SCAI: variants seen among roughly 807,000 people sequenced by gnomAD.
SCAI encodes suppressor of cancer cell invasion.
SCAI carries 24 observed loss-of-function variants against 92.2 expected under a neutral mutation model. The ratio of observed to expected loss-of-function variants is 0.26; its 90% CI spans 0.19 to 0.37. SCAI has a LOEUF of 0.37. Among genes scored for constraint, SCAI ranks in the 10% least tolerant of loss-of-function variants. The pLI, the probability that SCAI is intolerant of heterozygous loss-of-function variation, is 1.00. For missense variants in SCAI, 450 were observed against 736.2 expected (o/e 0.61, Z 4.50); for synonymous variants, 261 against 258.6 (o/e 1.01, Z -0.09).
At chr9:125,077,528 A>G (rs941929553) in intron 2 of SCAI, among the ~76,000 whole-genome samples, 2 of 152,116 alleles carry the variant, frequency 1.3e-5, no homozygotes, top group Non-Finnish European at 2.9e-5. Flanking sequence ...CTACCAGACT[A>G]TTTTCCAAAG....
chr9:124,958,077 C>A (rs903660325), intron 17 of SCAI, among the ~76,000 whole-genome samples: 7 of 152,068 alleles, frequency 4.6e-5, no homozygotes, highest in Non-Finnish European at 1.0e-4. Flanking sequence ...ACTATAAAAT[C>A]CTGGTGAAAG....
At chr9:125,027,337 T>G (rs72765246) in intron 5 of SCAI, among the ~76,000 whole-genome samples, 20,059 of 152,166 alleles carry the variant, frequency 0.13, 1,747 homozygotes, top group Non-Finnish European at 0.19. Context: ...TAATGAATTA[T>G]GTTTTACAAG....
chr9:125,087,938 A>C (rs1239903417), intron 2 of SCAI, among the ~76,000 whole-genome samples: 1 of 152,244 alleles, frequency 6.6e-6, no homozygotes, highest in African/African-American at 2.4e-5. Flanking sequence ...TTATAGATAT[A>C]ATATACGTAA....
At chr9:124,963,797 A>T (rs887792624) in intron 17 of SCAI, among the ~76,000 whole-genome samples, 1 of 149,906 alleles carries the variant, frequency 6.7e-6, no homozygotes, top group Non-Finnish European at 1.5e-5. Context: ...AAAGAAAATC[A>T]TAAGGAAGAG....
At chr9:124,955,269 G>A (rs553211366) in intron 17 of SCAI, among the ~76,000 whole-genome samples, 62 of 151,396 alleles carry the variant, frequency 4.1e-4, no homozygotes, top group African/African-American at 1.4e-3. Flanking sequence ...AAAAAGGAAA[G>A]AATAATAAAG....
intron 2 of SCAI, among the ~76,000 whole-genome samples, chr9:125,072,514 ATTT>A (rs1038430609): frequency 4.6e-5 from 7 of 152,096 alleles, no homozygotes; most frequent in Non-Finnish European, 8.8e-5. Flanking sequence ...CCTATGACTT[ATTT>A]TTTTACTTTT....
intron 9 of SCAI, chr9:125,003,789 T>A: frequency 2.0e-6 from 1 of 497,202 alleles, no homozygotes; most frequent in Non-Finnish European, 3.6e-6. Context: ...ATAATAAGCA[T>A]TTTTTATATT....
intron 2 of SCAI, among the ~76,000 whole-genome samples, chr9:125,103,335 C>T (rs889919002): frequency 6.6e-6 from 1 of 152,148 alleles, no homozygotes; most frequent in African/African-American, 2.4e-5. Context: ...CTCTAAATGA[C>T]TTCCAGGACT....
rs1265668385 is a variant in SCAI at position 124,949,072 on chromosome 9, GT to G, written c.*3734del. On this transcript the variant is annotated 3_prime_UTR_variant, in exon 18 of 18. Transcript: ENST00000336505. This position sits in a 1 kb window ranked among gnomAD's most constrained non-coding sequence, Gnocchi z 4.0. ...ACAAGGAGGATTTATTAAACTGTAT[GT>G]TTAGGCTGGGCGTGGTGGCTCATGC... The G allele has an allele frequency of 6.6e-6, 1 of 152,264 alleles. No homozygotes were observed. Among genetic ancestry groups the G allele is most frequent in the Non-Finnish European group, 1.5e-5 (1 of 68,084 alleles). The allele number at this position is 152,264 out of a possible 1,614,324, so 9.4% of individuals were successfully genotyped here.
chr9:124,971,832 C>T lies in SCAI; in HGVS notation c.1412G>A (p.Arg471Gln), dbSNP rs369515394. 274 of 1,592,092 alleles carry T rather than the reference C, an allele frequency of 1.7e-4. No individual in the cohort carries two copies. Among genetic ancestry groups the T allele is most frequent in the South Asian group, 2.6e-4 (23 of 86,808 alleles). The change falls in exon 16 of 18, where the codon CGA (arginine) becomes CAA (glutamine). Residue 471 changes from arginine (R) to glutamine (Q), a missense_variant. This residue lies in a region of SCAI where 360 missense variants were observed against 601.8 expected (regional missense o/e 0.60). Transcript: ENST00000336505. ...YPKALQDQSQ[R>Q]GSLFTLFLNN... ...CAAAAAGAGAGTGAAGAGGCTACCT[C>T]GCTGAGATTGATCTGTAATAACAAA...
chr9:125,095,470 C>CT (rs1255807863), intron 2 of SCAI, among the ~76,000 whole-genome samples: 12 of 152,308 alleles, frequency 7.9e-5, no homozygotes, highest in African/African-American at 2.2e-4. Context: ...AGAAAATGAA[C>CT]ATCCCTATAA....
At chr9:125,126,450 G>A (rs907646428) in intron 2 of SCAI, among the ~76,000 whole-genome samples, 3 of 148,848 alleles carry the variant, frequency 2.0e-5, no homozygotes, top group African/African-American at 7.5e-5. Flanking sequence ...CACATGCAAG[G>A]CAGAAGTCAG....
At chr9:125,071,899 T>C (rs1158735863) in intron 2 of SCAI, among the ~76,000 whole-genome samples, 1 of 152,222 alleles carries the variant, frequency 6.6e-6, no homozygotes, top group Non-Finnish European at 1.5e-5. Flanking sequence ...CTGATTAGCA[T>C]GACGTGTTCA....
intron 2 of SCAI, among the ~76,000 whole-genome samples, chr9:125,100,989 C>T (rs554730885): frequency 6.6e-6 from 1 of 152,174 alleles, no homozygotes; most frequent in South Asian, 2.1e-4. Flanking sequence ...ATTCAGGAGG[C>T]TGAAAAGGGA....
At chr9:125,071,318 G>T (rs112170725) in intron 2 of SCAI, among the ~76,000 whole-genome samples, 4 of 152,318 alleles carry the variant, frequency 2.6e-5, no homozygotes, top group African/African-American at 9.6e-5. Context: ...AGGATCACTT[G>T]AGCCCAGGAG....
chr9:125,078,502 TG>T lies in SCAI; in HGVS notation c.99-22496del, dbSNP rs1400144280. On this transcript the variant is annotated intron_variant, in intron 2 of 17. Transcript: ENST00000336505. ...GAGATCACGCCACTGCACTCCAGCT[TG>T]GGCGATAAGAGTGAAACTCTATCTC... Among the ~76,000 whole-genome samples the T allele has an allele frequency of 2.6e-5, 4 of 152,248 alleles. No individual in the cohort carries two copies. In the East Asian group the frequency reaches 5.8e-4, roughly 22 times the overall value.
intron 2 of SCAI, among the ~76,000 whole-genome samples, chr9:125,141,058 C>A (rs550476996): frequency 6.6e-6 from 1 of 152,158 alleles, no homozygotes; most frequent in South Asian, 2.1e-4. Context: ...CATAAAATGA[C>A]GGATGAAAAA....
chr9:125,094,137 A>G (rs1478257204), intron 2 of SCAI, among the ~76,000 whole-genome samples: 2 of 152,202 alleles, frequency 1.3e-5, no homozygotes, highest in South Asian at 2.1e-4. Context: ...GTCAAATTCT[A>G]TCACTTAGCT....
chr9:125,016,177 TAATAAAATAAAATAA>T lies in SCAI; in HGVS notation c.861+2607_861+2621del, dbSNP rs71374218. Among the ~76,000 whole-genome samples, 5 of 79,218 alleles carry T rather than the reference TAATAAAATAAAATAA, an allele frequency of 6.3e-5. No homozygotes were observed. The South Asian group carries it at 1.3e-3, about 20-fold the overall frequency. 52.0% of individuals were successfully genotyped at this position (79,218 alleles called of 152,430 possible). On this transcript the variant is annotated intron_variant, in intron 9 of 17. Coordinates refer to ENST00000336505, the MANE Select transcript of SCAI (RefSeq NM_001144877.3). Reference sequence around the variant, plus strand: ...CACATGTACCCTAAAACTTAAAGTATAATAAAATAAAATAAAATAAAATAAAATAAAATAATAAAT... The same window carrying T: ...CACATGTACCCTAAAACTTAAAGTATAATAAAATAAAATAAAATAATAAAT...
Sources: gnomAD v4.1 joint callset for allele counts (sites outside exome capture counted in the v4.1 genomes callset) on GRCh38, gnomAD v4.1.1 for gene constraint, gnomAD v4.1.1 regional missense constraint, Gnocchi (gnomAD v3.1) non-coding constraint, MANE v1.5 for transcripts, NCBI Gene and HGNC (gene_info 2026-07-23, HGNC 2026-07-21) for gene names.